RPTOR: variants seen among roughly 807,000 people sequenced by gnomAD.
RPTOR encodes regulatory-associated protein of mTOR.
Under a neutral mutation model 169.9 loss-of-function variants are expected in RPTOR, and 21 were observed. The observed-to-expected ratio is 0.12, with a 90% CI of 0.09 to 0.18. RPTOR has a LOEUF of 0.18. RPTOR is among the 10% of genes least tolerant of loss of function. The probability of loss-of-function intolerance (pLI) is 1.00; values close to 1 mark genes in which losing one functional copy is unlikely to be tolerated. For synonymous variants in RPTOR, 732 were observed against 753.2 expected, an observed-to-expected ratio of 0.97 and a Z score of 0.46; for missense variants, 1,133 against 1,855.9, an observed-to-expected ratio of 0.61 and a Z score of 7.16.
rs1568011712 is a variant in RPTOR at position 80,959,292 on chromosome 17, C to T, written c.3478-786C>T. ...CGTAGCCCTCAGGGCACAGCGTGGA[C>T]ACCCTGATCCTCAGGGTCTGGTCAC... On this transcript the variant is annotated intron_variant, in intron 29 of 33. Coordinates refer to ENST00000306801, the MANE Select transcript of RPTOR (RefSeq NM_020761.3). The surrounding 1 kb of genome is among the most constrained non-coding windows in gnomAD (Gnocchi z 6.7). Among the ~76,000 whole-genome samples, 1 of 152,176 alleles carries T rather than the reference C, an allele frequency of 6.6e-6. No homozygotes were observed. The highest frequency in any genetic ancestry group is 1.5e-5 in the Non-Finnish European group (1 of 68,026).
chr17:80,566,823 CAAAAAAAAAAAAAAAA>C (rs56295360), intron 1 of RPTOR, among the ~76,000 whole-genome samples: 1 of 83,996 alleles, frequency 1.2e-5, no homozygotes, highest in Non-Finnish European at 2.2e-5. Flanking sequence ...GACTCCGTCT[CAAAAAAAAAAAAAAAA>C]AAAAAAAAAA....
chr17:80,663,502 T>G (rs953502287), intron 3 of RPTOR, among the ~76,000 whole-genome samples: 3 of 151,788 alleles, frequency 2.0e-5, no homozygotes, highest in African/African-American at 7.3e-5. Context: ...AGCTGGGAGG[T>G]ATTTGGTTGT....
rs61753566 is a variant in RPTOR at position 80,883,900 on chromosome 17, G to A, written c.1770G>A (p.Ser590=). 0.024 allele frequency: 38,500 copies of A among 1,613,594 alleles called. 724 individuals carry two copies. The highest frequency in any genetic ancestry group is 0.062 in the South Asian group (5,654 of 91,082). Reference sequence around the variant, plus strand: ...GCAGGATCTGGCAGAACTTCGACTCGGCGAGGTGGTGCGGCGTGAGGGACA... The same window carrying A: ...GCAGGATCTGGCAGAACTTCGACTCAGCGAGGTGGTGCGGCGTGAGGGACA... ...CLGRIWQNFD[S]ARWCGVRDSA... The change falls in exon 16 of 34, where the codon TCG becomes TCA. Residue 590 remains serine (S), a synonymous_variant. Transcript: ENST00000306801.
intron 2 of RPTOR, among the ~76,000 whole-genome samples, chr17:80,634,348 A>G (rs548613365): frequency 0.25 from 7,668 of 30,414 alleles, 1,423 homozygotes; most frequent in African/African-American, 0.53. Context: ...TACTGTGTGC[A>G]TGTGCGTACT....
At chr17:80,895,945 T>A (rs192383938) in intron 20 of RPTOR, among the ~76,000 whole-genome samples, 293 of 152,378 alleles carry the variant, frequency 1.9e-3, no homozygotes, top group Non-Finnish European at 3.5e-3. Flanking sequence ...TGCTGATTCC[T>A]GGCTGAATAT....
chr17:80,813,189 C>T (rs8065459), intron 7 of RPTOR, among the ~76,000 whole-genome samples: 16,264 of 152,236 alleles, frequency 0.11, 950 homozygotes, highest in South Asian at 0.15. Flanking sequence ...TAATATTGGG[C>T]ACTGTGTAGT....
At chr17:80,709,284 T>TGCA (rs1374536326) in intron 4 of RPTOR, among the ~76,000 whole-genome samples, 1 of 152,216 alleles carries the variant, frequency 6.6e-6, no homozygotes, top group African/African-American at 2.4e-5. Flanking sequence ...CCACCAGGCG[T>TGCA]GCACCACAGG....
chr17:80,656,142 C>A (rs1056279447), intron 3 of RPTOR, among the ~76,000 whole-genome samples: 2 of 152,208 alleles, frequency 1.3e-5, no homozygotes, highest in Admixed American at 1.3e-4. Context: ...GCAATCTCGG[C>A]TCACCGCAAC....
intron 1 of RPTOR, among the ~76,000 whole-genome samples, chr17:80,611,199 G>A (rs2065267975): frequency 1.3e-5 from 2 of 152,100 alleles, no homozygotes; most frequent in African/African-American, 4.8e-5. Flanking sequence ...TGTCGTATTT[G>A]CTCTTTCTGT....
At chr17:80,792,909 C>T (rs2067063846) in intron 7 of RPTOR, among the ~76,000 whole-genome samples, 1 of 152,126 alleles carries the variant, frequency 6.6e-6, no homozygotes. Context: ...CCTCCCCACA[C>T]ACACACCGGA....
In RPTOR at chr17:80,647,045, T is replaced by C. The variant is rs529746106; in HGVS notation, c.348+3235T>C. ...TTCTTCATTTTTCTAGCTTTTGATA[T>C]AGGTGATTCCAGTTCAAAAGGAATT... On this transcript the variant is annotated intron_variant, in intron 3 of 33. Coordinates refer to ENST00000306801, the MANE Select transcript of RPTOR (RefSeq NM_020761.3). 2.6e-5 allele frequency among the ~76,000 whole-genome samples: 4 copies of C among 152,340 alleles called. No homozygotes were observed. The East Asian group carries it at 7.7e-4, about 29-fold the overall frequency.
chr17:80,857,755 G>A (rs568983376), intron 12 of RPTOR, 35 bp from the exon 13 acceptor site: 79 of 1,516,968 alleles, frequency 5.2e-5, no homozygotes, highest in Non-Finnish European at 6.5e-5. Flanking sequence ...CCCTTGCTGC[G>A]GCACAGGTGC....
In RPTOR at chr17:80,844,671, G is replaced by C. The variant is rs1227550260; in HGVS notation, c.1213-1802G>C. ...TCCTACGTGGTGAATGTTCTCGGCT[G>C]ACTTTTTAAGTCGGGCCACGGGGCT... On this transcript the variant is annotated intron_variant, in intron 10 of 33. Transcript: ENST00000306801. The surrounding 1 kb of genome is among the most constrained non-coding windows in gnomAD (Gnocchi z 4.7). Among the ~76,000 whole-genome samples the C allele has an allele frequency of 3.3e-5, 5 of 152,340 alleles. No individual in the cohort carries two copies. Among genetic ancestry groups the C allele is most frequent in the African/African-American group, 1.2e-4 (5 of 41,582 alleles).
At chr17:80,743,549 GA>G in intron 5 of RPTOR, 1 of 659,862 alleles carries the variant, frequency 1.5e-6, no homozygotes, top group Non-Finnish European at 1.9e-6. Context: ...CAGTTCTTGG[GA>G]AAGGTGCCTG....
At chr17:80,603,770 A>C (rs1420541736) in intron 1 of RPTOR, among the ~76,000 whole-genome samples, 1 of 152,238 alleles carries the variant, frequency 6.6e-6, no homozygotes, top group Non-Finnish European at 1.5e-5. Flanking sequence ...CAAGGTAGTG[A>C]AATGTTGCCA....
chr17:80,778,432 G>A (rs1277842292), intron 6 of RPTOR, among the ~76,000 whole-genome samples: 1 of 152,200 alleles, frequency 6.6e-6, no homozygotes, highest in East Asian at 1.9e-4. Flanking sequence ...GAAAGCAGCA[G>A]TTAGAAAAAT....
chr17:80,666,922 C>T (rs1237852771), intron 3 of RPTOR, among the ~76,000 whole-genome samples: 1 of 152,156 alleles, frequency 6.6e-6, no homozygotes, highest in Admixed American at 6.5e-5. Context: ...AGGCCACTAC[C>T]GTATCCTCAG....
At chr17:80,830,521 C>T (rs905271062) in intron 9 of RPTOR, among the ~76,000 whole-genome samples, 4 of 152,240 alleles carry the variant, frequency 2.6e-5, no homozygotes, top group Admixed American at 6.5e-5. Context: ...CACTCACGCA[C>T]GGCCTTCTCA....
chr17:80,805,864 A>G (rs60024815), intron 7 of RPTOR, among the ~76,000 whole-genome samples: 2 of 151,862 alleles, frequency 1.3e-5, no homozygotes, highest in South Asian at 2.1e-4. Context: ...GTTCTATAGT[A>G]AGTCAGGTAA....
Sources: gnomAD v4.1 joint callset for allele counts (sites outside exome capture counted in the v4.1 genomes callset) on GRCh38, gnomAD v4.1.1 for gene constraint, Gnocchi (gnomAD v3.1) non-coding constraint, MANE v1.5 for transcripts, NCBI Gene and HGNC (gene_info 2026-07-23, HGNC 2026-07-21) for gene names.